Variants in RBM28 observed in about 807,000 individuals in gnomAD.
RBM28 encodes RNA binding motif protein 28, also known as RNA-binding protein 28.
A neutral mutation model predicts 98.3 loss-of-function variants in RBM28; 78 were observed. The ratio of observed to expected loss-of-function variants is 0.79; its 90% CI spans 0.66 to 0.96. The LOEUF is 0.96. RBM28 is among the 40% of genes least tolerant of loss of function. The probability of loss-of-function intolerance (pLI) is 0.00; values close to 1 mark genes in which losing one functional copy is unlikely to be tolerated. For missense variants in RBM28, 838 were observed against 913.0 expected (o/e 0.92, Z 1.06); for synonymous variants, 306 against 330.9 (o/e 0.92, Z 0.82).
rs1327275305 is a variant in RBM28 at position 128,339,339 on chromosome 7, A to G, written c.278-18T>C. The stretch of plus-strand genomic sequence containing the variant: ...TGAGTTTTCTAAAAAATAAGAGGTA[A>G]TGGAATAAGTACTCGAAAATCACCC... On this transcript the variant is annotated intron_variant, in intron 2 of 18. Transcript: ENST00000223073. 1 of 1,572,374 alleles carries G rather than the reference A, an allele frequency of 6.4e-7. No homozygotes were observed. The highest frequency in any genetic ancestry group is 8.7e-7 in the Non-Finnish European group (1 of 1,144,418).
chr7:128,340,459 A>G (rs941573612), intron 1 of RBM28, among the ~76,000 whole-genome samples: 8 of 152,130 alleles, frequency 5.3e-5, no homozygotes, highest in Non-Finnish European at 7.4e-5. Context: ...CCCCACCAAC[A>G]AGAAGGCTCT....
At chr7:128,324,913 G>C (rs1272888493) in intron 11 of RBM28, among the ~76,000 whole-genome samples, 10 of 152,142 alleles carry the variant, frequency 6.6e-5, no homozygotes, top group African/African-American at 1.9e-4. Context: ...AGGAGGCTGA[G>C]GCAGGAGAAT....
At position 128,306,507 on chromosome 7, in the gene RBM28, T is replaced by A. The variant is rs1002403079; in HGVS notation, c.*4290A>T. The stretch of plus-strand genomic sequence containing the variant: ...AATCAATGTTAGGTGTTGTGGGGTA[T>A]GTGGAAAAGTGAAAAAATAATAGTC... On this transcript the variant is annotated 3_prime_UTR_variant, in exon 19 of 19. Transcript: ENST00000223073. 2.6e-5 allele frequency: 4 copies of A among 152,158 alleles called. No individual in the cohort carries two copies. Among genetic ancestry groups the A allele is most frequent in the African/African-American group, 9.7e-5 (4 of 41,412 alleles). 9.4% of individuals were successfully genotyped at this position (152,158 alleles called of 1,614,324 possible).
At chr7:128,338,466 C>T in intron 4 of RBM28, 124 bp from the exon 5 acceptor site, 3 of 834,830 alleles carry the variant, frequency 3.6e-6, no homozygotes, top group Non-Finnish European at 2.0e-6. Context: ...TCAGGCCCTT[C>T]CCCAAAGCAA....
At chr7:128,333,201 G>C in intron 9 of RBM28, 89 bp downstream of exon 9, 1 of 1,035,342 alleles carries the variant, frequency 9.7e-7, no homozygotes, top group Non-Finnish European at 1.5e-6. Flanking sequence ...TCTGGGCTAG[G>C]TAACAGAACT....
rs398006204 is a variant in RBM28 at position 128,329,888 on chromosome 7, C to CAAAA, written c.1129+927_1129+930dup. Among the ~76,000 whole-genome samples, 73 of 101,622 alleles carry CAAAA rather than the reference C, an allele frequency of 7.2e-4. 9 individuals are homozygous for CAAAA. Among genetic ancestry groups the CAAAA allele is most frequent in the Non-Finnish European group, 1.1e-3 (59 of 53,260 alleles). The allele number at this position is 101,622 out of a possible 152,430, so 66.7% of individuals were successfully genotyped here. A position where few individuals can be genotyped will look rare whatever the true frequency, so the allele number is the denominator to read the frequency against. Reference sequence around the variant, plus strand: ...TGGGCAACAGAGTGAGACTCCGTCTCAAAAAAAAAAAAAAAAAAAAAAAAA... The same window carrying CAAAA: ...TGGGCAACAGAGTGAGACTCCGTCTCAAAAAAAAAAAAAAAAAAAAAAAAAAAAA... On this transcript the variant is annotated intron_variant, in intron 10 of 18. Coordinates refer to ENST00000223073, the MANE Select transcript of RBM28 (RefSeq NM_018077.3).
chr7:128,333,334 C>A lies in RBM28; in HGVS notation c.975G>T (p.Arg325Ser). The A allele has an allele frequency of 6.2e-7, 1 of 1,605,344 alleles. No individual in the cohort carries two copies. Among genetic ancestry groups the A allele is most frequent in the South Asian group, 1.1e-5 (1 of 90,904 alleles). ...CTTCATTCACATCAGAGGGTAATTT[C>A]CTCTTCTTTTTGTTTGAGACTTGCA... ...KAVQVSNKKK[R>S]KLPSDVNEGK... Residue 325 changes from arginine (R) to serine (S), a missense_variant, in exon 9 of 19, where the codon AGG becomes AGT. Coordinates refer to ENST00000223073, the MANE Select transcript of RBM28 (RefSeq NM_018077.3).
intron 10 of RBM28, among the ~76,000 whole-genome samples, chr7:128,327,251 C>T (rs1309147040): frequency 6.6e-6 from 1 of 152,208 alleles, no homozygotes; most frequent in Non-Finnish European, 1.5e-5. Context: ...AAAAATAAAG[C>T]AGGAACCACT....
chr7:128,323,696 G>A (rs557026861), intron 12 of RBM28, 105 bp from the exon 13 acceptor site: 67 of 1,305,114 alleles, frequency 5.1e-5, no homozygotes, highest in Non-Finnish European at 7.1e-5. Flanking sequence ...AGGGCCCAGA[G>A]GACTATCTTG....
intron 14 of RBM28, among the ~76,000 whole-genome samples, 195 bp from the exon 15 acceptor site, chr7:128,318,301 A>G (rs1032602629): frequency 6.6e-6 from 1 of 152,052 alleles, no homozygotes; most frequent in Admixed American, 6.6e-5. Flanking sequence ...CCTAGGCAAC[A>G]TGGCAAAACC....
At position 128,343,235 on chromosome 7, in the gene RBM28, G is replaced by A. The variant is rs186243091; in HGVS notation, c.118+441C>T. Among the ~76,000 whole-genome samples the A allele has an allele frequency of 2.4e-3, 367 of 152,282 alleles. 3 individuals are homozygous for A. The highest frequency in any genetic ancestry group is 8.2e-3 in the African/African-American group (341 of 41,558). ...GATGTCCAGGTCTGAGGATCAAATC[G>A]GGGGTCCACTACTTAACAGCCGTAC... On this transcript the variant is annotated intron_variant, in intron 1 of 18. Transcript: ENST00000223073.
rs948041633 is a variant in RBM28, at chr7:128,304,320, T to G, written c.*6477A>C. Reference sequence around the variant, plus strand: ...ACACAACCAGACTACAAATAAATGTTTGTTACTATCTGATTCAACAAAGCA... The same window carrying G: ...ACACAACCAGACTACAAATAAATGTGTGTTACTATCTGATTCAACAAAGCA... On this transcript the variant is annotated 3_prime_UTR_variant, in exon 19 of 19. Transcript: ENST00000223073. 2 of 152,226 alleles carry G rather than the reference T, an allele frequency of 1.3e-5. No homozygotes were observed. Among genetic ancestry groups the G allele is most frequent in the African/African-American group, 4.8e-5 (2 of 41,460 alleles). The allele number at this position is 152,226 out of a possible 1,614,324, so 9.4% of individuals were successfully genotyped here.
chr7:128,311,676 C>A (rs1357398024), intron 18 of RBM28, among the ~76,000 whole-genome samples: 1 of 151,770 alleles, frequency 6.6e-6, no homozygotes, highest in African/African-American at 2.4e-5. Context: ...ACACATCAAG[C>A]ATATGAAAAC....
At chr7:128,319,860 C>G (rs1483815879) in intron 14 of RBM28, among the ~76,000 whole-genome samples, 2 of 152,046 alleles carry the variant, frequency 1.3e-5, no homozygotes, top group African/African-American at 4.8e-5. Context: ...ATCATCTGAG[C>G]TCAGGAATTT....
At chr7:128,335,825 C>T (rs1291503596) in intron 7 of RBM28, 22 bp downstream of exon 7, 2 of 1,613,990 alleles carry the variant, frequency 1.2e-6, no homozygotes, top group Admixed American at 1.7e-5. Context: ...TCTGCTGTCT[C>T]AGAACAGGAT....
At chr7:128,314,573 CT>C (rs1796064986) in intron 17 of RBM28, among the ~76,000 whole-genome samples, 190 bp downstream of exon 17, 1 of 152,220 alleles carries the variant, frequency 6.6e-6, no homozygotes, top group African/African-American at 2.4e-5. Context: ...TAGGAGGCCC[CT>C]CTGCCATTGA....
At chr7:128,332,836 A>G (rs1004523724) in intron 9 of RBM28, among the ~76,000 whole-genome samples, 1 of 152,158 alleles carries the variant, frequency 6.6e-6, no homozygotes, top group Non-Finnish European at 1.5e-5. Context: ...GCAACACGAA[A>G]TAAAGCCTAT....
At position 128,330,800 on chromosome 7, in the gene RBM28, G is replaced by A; in HGVS notation, c.1129+19C>T. The A allele has an allele frequency of 6.3e-7, 1 of 1,579,914 alleles. No homozygotes were observed. Among genetic ancestry groups the A allele is most frequent in the South Asian group, 1.1e-5 (1 of 90,472 alleles). On this transcript the variant is annotated intron_variant, in intron 10 of 18. Coordinates refer to ENST00000223073, the MANE Select transcript of RBM28 (RefSeq NM_018077.3). Reference sequence around the variant, plus strand: ...GTGGTCTCAACCCTTTTAGGGCCTGGCCAGCTGACAACACATACCTTTAGA... The same window carrying A: ...GTGGTCTCAACCCTTTTAGGGCCTGACCAGCTGACAACACATACCTTTAGA...
chr7:128,314,837 G>T lies in RBM28; in HGVS notation c.1972C>A (p.Gln658Lys). ...TTCTTTCCATCAGGCAGCTCCACCT[G>T]CTCCACTTCAGCCTTGGTCTGGAAC... ...TGFQTKAEVEQVELPDGKKRR... is the reference protein window; with the variant it reads ...TGFQTKAEVEKVELPDGKKRR... The change falls in exon 17 of 19, where the codon CAG (glutamine) becomes AAG (lysine). Residue 658 changes from glutamine to lysine, a missense_variant. By Grantham distance (53) the Gln-to-Lys change is moderately conservative. Coordinates refer to ENST00000223073, the MANE Select transcript of RBM28 (RefSeq NM_018077.3). 6.2e-7 allele frequency: 1 copy of T among 1,614,172 alleles called. No homozygotes were observed.
Sources: allele counts gnomAD v4.1 joint callset (sites outside exome capture counted in the v4.1 genomes callset), GRCh38; gene constraint gnomAD v4.1.1; transcripts MANE v1.5; gene names NCBI Gene and HGNC (gene_info 2026-07-23, HGNC 2026-07-21).